The following TOPAZ1 variants were observed in gnomAD, a reference collection of about 807,000 sequenced individuals.
The protein encoded by TOPAZ1 is testis and ovary specific TOPAZ 1, also known as protein TOPAZ1.
In TOPAZ1, 66 loss-of-function variants were observed where a neutral mutation model predicts 172.2. The ratio of observed to expected loss-of-function variants is 0.38; its 90% CI spans 0.31 to 0.47. The LOEUF (loss-of-function observed/expected upper bound fraction) is 0.47, where lower values mean the gene tolerates loss of function less well. Among genes scored for constraint, TOPAZ1 ranks in the 20% least tolerant of loss-of-function variants. The probability of loss-of-function intolerance (pLI) is 0.99; values close to 1 mark genes in which losing one functional copy is unlikely to be tolerated. For synonymous variants in TOPAZ1, 681 were observed against 683.9 expected (o/e 1.00, Z 0.07); for missense variants, 1,822 against 1,972.4 (o/e 0.92, Z 1.44).
chr3:44,309,900 A>G lies in TOPAZ1; in HGVS notation c.4216A>G (p.Lys1406Glu), dbSNP rs780572865. The G allele has an allele frequency of 3.9e-6, 6 of 1,551,094 alleles. No individual in the cohort carries two copies. The African/African-American group carries it at 6.8e-5, about 18-fold the overall frequency. Reference protein sequence around the residue: ...TSLKGLIGPEKLASRCQIVNV... With the variant: ...TSLKGLIGPEELASRCQIVNV... Reference sequence around the variant, plus strand: ...TTTAAAAGGACTTATAGGGCCTGAGAAGTTAGCATCAAGATGTCAAATTGT... The same window carrying G: ...TTTAAAAGGACTTATAGGGCCTGAGGAGTTAGCATCAAGATGTCAAATTGT... Residue 1406 changes from lysine to glutamate, a missense_variant, in exon 16 of 20, where the codon AAG (lysine) becomes GAG (glutamate). Physicochemically the swap from Lys to Glu is moderately conservative, Grantham distance 56. Around this residue, in one of 2 missense-constraint regions of TOPAZ1, gnomAD observed 333 missense variants for 481.7 expected, o/e 0.69. Transcript: ENST00000309765.
intron 14 of TOPAZ1, 97 bp downstream of exon 14, chr3:44,305,418 G>A (rs1266251887): frequency 3.8e-6 from 4 of 1,062,144 alleles, no homozygotes; most frequent in Admixed American, 3.4e-5. Context: ...TACCCAGGCT[G>A]GAGTACAGGG....
At chr3:44,334,601 G>A (rs1164380455), downstream of TOPAZ1, among the ~76,000 whole-genome samples, 2 of 152,084 alleles carry the variant, frequency 1.3e-5, no homozygotes, top group Non-Finnish European at 2.9e-5. Context: ...TAAAGAGGCA[G>A]GGACCAAATA....
Position 44,254,977 on chromosome 3 carries a change from T to G in TOPAZ1, c.2775T>G (p.Pro925=). ...KEPSDDLREL[P]VLDCGWIKPD... is the part of the protein sequence containing the mutation. Reference sequence around the variant, plus strand: ...GTTTGCTTTATAATAGAGAACTTCCTGTACTGGACTGTGGATGGATAAAGC... The same window carrying G: ...GTTTGCTTTATAATAGAGAACTTCCGGTACTGGACTGTGGATGGATAAAGC... Residue 925 remains proline, a synonymous_variant, in exon 3 of 20, where the codon CCT becomes CCG. Coordinates refer to ENST00000309765, the MANE Select transcript of TOPAZ1 (RefSeq NM_001145030.2). 3 of 1,550,800 alleles carry G rather than the reference T, an allele frequency of 1.9e-6. No homozygotes were observed. The highest frequency in any genetic ancestry group is 2.6e-6 in the Non-Finnish European group (3 of 1,146,266).
intron 3 of TOPAZ1, among the ~76,000 whole-genome samples, chr3:44,255,651 C>CAAAAAAAAAAAAA (rs10663255): frequency 2.3e-5 from 2 of 86,246 alleles, no homozygotes; most frequent in Non-Finnish European, 4.4e-5. Context: ...GACTCTGTCT[C>CAAAAAAAAAAAAA]AAAAAAAAAA....
Position 44,269,320 on chromosome 3 carries a change from A to G in TOPAZ1, c.3246+19A>G, listed in dbSNP as rs1268371304. ...TGTGGGGGTAAGTCTACTTTAAAAA[A>G]TAATAATAATCTGTCTCTTTCTCCT... is the stretch of plus-strand genomic sequence containing the variant. On this transcript the variant is annotated intron_variant, in intron 7 of 19. Coordinates refer to ENST00000309765, the MANE Select transcript of TOPAZ1 (RefSeq NM_001145030.2). The G allele has an allele frequency of 2.8e-6, 4 of 1,422,806 alleles. No individual in the cohort carries two copies. Among genetic ancestry groups the G allele is most frequent in the Non-Finnish European group, 3.9e-6 (4 of 1,030,116 alleles). The allele number at this position is 1,422,806 out of a possible 1,614,324, so 88.1% of individuals were successfully genotyped here.
chr3:44,326,859 GA>G (rs200287522), intron 18 of TOPAZ1, among the ~76,000 whole-genome samples: 9 of 148,468 alleles, frequency 6.1e-5, no homozygotes, highest in Admixed American at 2.7e-4. Context: ...CATTTTGAGT[GA>G]AAAAAAAAAT....
At chr3:44,242,433 C>A in intron 1 of TOPAZ1, 34 bp downstream of exon 1, 2 of 1,544,240 alleles carry the variant, frequency 1.3e-6, no homozygotes, top group Non-Finnish European at 1.8e-6. Context: ...TACCTTTAGC[C>A]CTTGTACCTC....
At chr3:44,247,170 T>G (rs1434207957) in intron 2 of TOPAZ1, among the ~76,000 whole-genome samples, 1 of 152,224 alleles carries the variant, frequency 6.6e-6, no homozygotes, top group African/African-American at 2.4e-5. Context: ...GACATTTGTC[T>G]ATACATATAA....
At chr3:44,256,383 T>C (rs1417133723) in intron 4 of TOPAZ1, 105 bp downstream of exon 4, 1 of 1,059,214 alleles carries the variant, frequency 9.4e-7, no homozygotes, top group Admixed American at 3.7e-5. Flanking sequence ...ACTCCCTTTA[T>C]TGAATAAAAG....
chr3:44,301,684 T>C (rs1575728196), intron 12 of TOPAZ1, among the ~76,000 whole-genome samples: 1 of 152,322 alleles, frequency 6.6e-6, no homozygotes, highest in East Asian at 1.9e-4. Flanking sequence ...TCACTCTTTT[T>C]CCCCTTTTTC....
In TOPAZ1 at chr3:44,255,028, A is replaced by G; in HGVS notation, c.2826A>G (p.Ala942=). ...IKPDICASNS[A]ESEIKRDPKD... The stretch of plus-strand genomic sequence containing the variant: ...CAGACATCTGTGCTTCCAACTCAGC[A>G]GGTAAAAGTTGACATTTTCAGAATA... The change falls in exon 3 of 20, where the codon GCA becomes GCG. Residue 942 remains alanine (A), a splice_region_variant and synonymous_variant. Coordinates refer to ENST00000309765, the MANE Select transcript of TOPAZ1 (RefSeq NM_001145030.2). 6.4e-7 allele frequency: 1 copy of G among 1,550,772 alleles called. No individual in the cohort carries two copies. The highest frequency in any genetic ancestry group is 8.7e-7 in the Non-Finnish European group (1 of 1,146,276).
intron 15 of TOPAZ1, among the ~76,000 whole-genome samples, chr3:44,307,706 G>T (rs529318922): frequency 6.6e-6 from 1 of 152,002 alleles, no homozygotes; most frequent in Non-Finnish European, 1.5e-5. Context: ...GAATATATAC[G>T]TTCAATAACA....
intron 17 of TOPAZ1, among the ~76,000 whole-genome samples, chr3:44,321,759 C>T (rs1478152701): frequency 6.6e-6 from 1 of 152,176 alleles, no homozygotes; most frequent in African/African-American, 2.4e-5. Flanking sequence ...TATAAATTTT[C>T]ATTTTTCCAC....
intron 15 of TOPAZ1, among the ~76,000 whole-genome samples, chr3:44,308,397 G>A (rs1036100089): frequency 4.0e-5 from 6 of 151,784 alleles, no homozygotes; most frequent in Non-Finnish European, 7.4e-5. Context: ...CTATCCTTGC[G>A]ATAGTTTGCT....
rs900635678 is a variant in TOPAZ1 at position 44,310,500 on chromosome 3, G to GA, written c.4306+520dup. Among the ~76,000 whole-genome samples the GA allele has an allele frequency of 4.7e-5, 7 of 148,052 alleles. No individual in the cohort carries two copies. In the South Asian group the frequency reaches 6.4e-4, roughly 13 times the overall value. ...GGCAACAGAACGAGACTCCATCTCA[G>GA]AAAAAAAAAAGCAAAACCTAATTCT... On this transcript the variant is annotated intron_variant, in intron 16 of 19. Transcript: ENST00000309765.
intron 6 of TOPAZ1, among the ~76,000 whole-genome samples, chr3:44,268,414 C>A (rs2125685686): frequency 6.8e-6 from 1 of 146,242 alleles, no homozygotes; most frequent in South Asian, 2.2e-4. Flanking sequence ...CACTCTATAG[C>A]CCAGGCTGGA....
chr3:44,243,009 G>T lies in TOPAZ1; in HGVS notation c.503G>T (p.Arg168Ile). 7 of 1,545,312 alleles carry T rather than the reference G, an allele frequency of 4.5e-6. No homozygotes were observed. Among genetic ancestry groups the T allele is most frequent in the Non-Finnish European group, 6.1e-6 (7 of 1,145,458 alleles). The change falls in exon 2 of 20, where the codon AGA (arginine) becomes ATA (isoleucine). Residue 168 changes from arginine (R) to isoleucine (I), a missense_variant. This residue lies in a region of TOPAZ1 where 1,489 missense variants were observed against 1,490.8 expected (regional missense o/e 1.00). Transcript: ENST00000309765. ...GKESIIEGIK[R>I]RIRNKKLKSL... ...GAAAGTATAATAGAAGGTATTAAAA[G>T]AAGAATTCGAAATAAAAAACTTAAA...
chr3:44,256,205 C>T lies in TOPAZ1; in HGVS notation c.2882C>T (p.Ala961Val). 1 of 1,532,228 alleles carries T rather than the reference C, an allele frequency of 6.5e-7. No individual in the cohort carries two copies. The highest frequency in any genetic ancestry group is 1.3e-5 in the South Asian group (1 of 79,818). The allele number at this position is 1,532,228 out of a possible 1,614,324, so 94.9% of individuals were successfully genotyped here. Reference protein sequence around the residue: ...KDVNTSLGEVANETSENETLG... With the variant: ...KDVNTSLGEVVNETSENETLG... ...GTAAACACTTCCTTAGGAGAAGTTG[C>T]TAATGAGACCTCTGAAAATGAAACA... Residue 961 changes from alanine to valine, a missense_variant, in exon 4 of 20, where the codon GCT (alanine) becomes GTT (valine). Physicochemically the swap from Ala to Val is moderately conservative, Grantham distance 64. Around this residue, in one of 2 missense-constraint regions of TOPAZ1, gnomAD observed 1,489 missense variants for 1,490.8 expected, o/e 1.00. Transcript: ENST00000309765.
rs184602355 is a variant in TOPAZ1 at position 44,329,880 on chromosome 3, C to T, written c.4859+1447C>T. Among the ~76,000 whole-genome samples the T allele has an allele frequency of 2.4e-3, 372 of 152,288 alleles. 4 individuals carry two copies. The highest frequency in any genetic ancestry group is 8.6e-3 in the African/African-American group (357 of 41,550). ...TCCATCATCTAAGACTGTGAGCAAA[C>T]CTGCCCTTTGCTCCAGAAGAAGAAA... On this transcript the variant is annotated intron_variant, in intron 19 of 19. Coordinates refer to ENST00000309765, the MANE Select transcript of TOPAZ1 (RefSeq NM_001145030.2).
Sources: allele counts gnomAD v4.1 joint callset (sites outside exome capture counted in the v4.1 genomes callset), GRCh38; gene constraint gnomAD v4.1.1; regional missense constraint gnomAD v4.1.1; transcripts MANE v1.5; gene names NCBI Gene and HGNC (gene_info 2026-07-23, HGNC 2026-07-21).